The following CDH13 variants were observed in gnomAD, a reference collection of about 807,000 sequenced individuals.
CDH13 encodes cadherin 13, also known as cadherin-13.
Under a neutral mutation model 63.8 loss-of-function variants are expected in CDH13, and 24 were observed. The observed-to-expected ratio is 0.38, with a 90% CI of 0.27 to 0.53. The LOEUF (loss-of-function observed/expected upper bound fraction) is 0.53. CDH13 is among the 20% of genes least tolerant of loss of function. The probability of loss-of-function intolerance (pLI) is 0.85; values close to 1 mark genes in which losing one functional copy is unlikely to be tolerated. For missense variants in CDH13, 1,049 were observed against 903.1 expected, an observed-to-expected ratio of 1.16 and a Z score of -2.07; for synonymous variants, 503 against 355.3, an observed-to-expected ratio of 1.42 and a Z score of -4.67.
chr16:82,845,834 G>C (rs954185397), intron 1 of CDH13, among the ~76,000 whole-genome samples: 2 of 152,154 alleles, frequency 1.3e-5, no homozygotes, highest in Non-Finnish European at 2.9e-5. Context: ...TTTCTCCTAA[G>C]GGCCAGCCAG....
intron 2 of CDH13, among the ~76,000 whole-genome samples, chr16:82,973,680 AC>A (rs1289561232): frequency 2.0e-5 from 3 of 152,202 alleles, no homozygotes; most frequent in African/African-American, 7.2e-5. Flanking sequence ...GGATGGCTTC[AC>A]TGAAGGGATG....
chr16:83,282,492 G>A (rs544964664), intron 5 of CDH13, among the ~76,000 whole-genome samples: 1 of 152,032 alleles, frequency 6.6e-6, no homozygotes, highest in Admixed American at 6.5e-5. Context: ...TAGTAAGCAA[G>A]GCTCCAACCC....
chr16:82,850,280 A>G (rs891183187), intron 1 of CDH13, among the ~76,000 whole-genome samples: 9 of 152,226 alleles, frequency 5.9e-5, no homozygotes, highest in African/African-American at 1.7e-4. Context: ...GTTGATTTCA[A>G]TCCTCATGGA....
At chr16:83,492,406 G>A (rs1328218621) in intron 7 of CDH13, among the ~76,000 whole-genome samples, 3 of 152,060 alleles carry the variant, frequency 2.0e-5, no homozygotes, top group South Asian at 2.1e-4. Context: ...TGTTTTGGTG[G>A]GTGGGACCAG....
chr16:83,018,839 C>G (rs1228604854), intron 2 of CDH13, among the ~76,000 whole-genome samples: 2 of 152,140 alleles, frequency 1.3e-5, no homozygotes, highest in Admixed American at 6.5e-5. Flanking sequence ...GGTTGTGTAT[C>G]TAAACATATC....
chr16:83,053,696 T>C (rs941509158), intron 3 of CDH13, among the ~76,000 whole-genome samples: 1 of 152,072 alleles, frequency 6.6e-6, no homozygotes, highest in Non-Finnish European at 1.5e-5. Flanking sequence ...TCAGAGGAAA[T>C]AGACTTTAAG....
chr16:83,736,698 C>T (rs1475907124), intron 10 of CDH13, among the ~76,000 whole-genome samples: 1 of 152,078 alleles, frequency 6.6e-6, no homozygotes, highest in Non-Finnish European at 1.5e-5. Context: ...GTCAATCACC[C>T]CTGGAAATAA....
chr16:83,139,381 T>C (rs1173841586), intron 4 of CDH13, among the ~76,000 whole-genome samples: 3 of 152,250 alleles, frequency 2.0e-5, no homozygotes, highest in Admixed American at 1.3e-4. Context: ...GTGTAACAGC[T>C]GTGTTCACTG....
intron 2 of CDH13, among the ~76,000 whole-genome samples, chr16:83,030,447 G>C (rs1057410107): frequency 1.3e-5 from 2 of 151,878 alleles, no homozygotes; most frequent in African/African-American, 4.8e-5. Flanking sequence ...TTCGAGACCA[G>C]TCTGGCCAAC....
chr16:82,835,949 T>C (rs1316019903), intron 1 of CDH13, among the ~76,000 whole-genome samples: 1 of 152,128 alleles, frequency 6.6e-6, no homozygotes, highest in South Asian at 2.1e-4. Flanking sequence ...GCTCCTCAAG[T>C]AGCAAAGTCT....
At chr16:83,253,114 C>A (rs1328580766) in intron 5 of CDH13, among the ~76,000 whole-genome samples, 1 of 152,050 alleles carries the variant, frequency 6.6e-6, no homozygotes, top group East Asian at 1.9e-4. Flanking sequence ...TGGTGGTGTC[C>A]TCCTCAAAGT....
At position 83,518,597 on chromosome 16, in the gene CDH13, C is replaced by G. The variant is rs370619530; in HGVS notation, c.960+31942C>G. Reference sequence around the variant, plus strand: ...ACGGCATTCTCCTGCCTCAGCCTTCCGAGTAGCTGGGACTACAGGCACCTG... The same window carrying G: ...ACGGCATTCTCCTGCCTCAGCCTTCGGAGTAGCTGGGACTACAGGCACCTG... On this transcript the variant is annotated intron_variant, in intron 7 of 13. Coordinates refer to ENST00000567109, the MANE Select transcript of CDH13 (RefSeq NM_001257.5). Among the ~76,000 whole-genome samples the G allele has an allele frequency of 4.6e-5, 7 of 151,568 alleles. 1 individual carries two copies. The highest frequency in any genetic ancestry group is 1.7e-4 in the African/African-American group (7 of 41,294).
intron 3 of CDH13, among the ~76,000 whole-genome samples, chr16:83,083,585 C>T (rs1284465879): frequency 6.6e-6 from 1 of 152,162 alleles, no homozygotes; most frequent in Non-Finnish European, 1.5e-5. Context: ...CTGTTGTTTT[C>T]TCTAGTACTC....
At chr16:82,843,493 C>G (rs903544467) in intron 1 of CDH13, among the ~76,000 whole-genome samples, 1 of 152,194 alleles carries the variant, frequency 6.6e-6, no homozygotes, top group Non-Finnish European at 1.5e-5. Context: ...TTAACATAAT[C>G]AGTTCCTTGC....
rs74033125 is a variant in CDH13, at chr16:83,089,479, G to A, written c.367-35906G>A. Among the ~76,000 whole-genome samples the A allele has an allele frequency of 8.0e-3, 1,214 of 152,298 alleles. 26 individuals carry two copies. The highest frequency in any genetic ancestry group is 0.028 in the African/African-American group (1,158 of 41,560). ...GCTTTCATGCACCTGCCTTGCAGGC[G>A]TCAGGAATCTGAATCACACTCATTC... On this transcript the variant is annotated intron_variant, in intron 3 of 13. Coordinates refer to ENST00000567109, the MANE Select transcript of CDH13 (RefSeq NM_001257.5).
chr16:82,991,255 G>A (rs1429447577), intron 2 of CDH13, among the ~76,000 whole-genome samples: 1 of 152,136 alleles, frequency 6.6e-6, no homozygotes, highest in East Asian at 1.9e-4. Context: ...ACGCTCTTAG[G>A]TATTACATGG....
chr16:82,685,792 C>G (rs182209846), intron 1 of CDH13, among the ~76,000 whole-genome samples: 6 of 152,264 alleles, frequency 3.9e-5, no homozygotes, highest in African/African-American at 1.4e-4. Context: ...AGAGGTTTAA[C>G]CAAGTCTAGA....
chr16:82,881,022 A>G (rs2040684005), intron 2 of CDH13, among the ~76,000 whole-genome samples: 1 of 152,234 alleles, frequency 6.6e-6, no homozygotes, highest in Admixed American at 6.5e-5. Flanking sequence ...CTCTGGGTTT[A>G]TCTTGACCCT....
intron 1 of CDH13, among the ~76,000 whole-genome samples, chr16:82,726,508 G>A (rs1597414616): frequency 1.3e-5 from 2 of 152,316 alleles, no homozygotes; most frequent in East Asian, 3.9e-4. Flanking sequence ...TCAAAAACAG[G>A]TGGTAGGTGG....
Sources: allele counts gnomAD v4.1 joint callset (sites outside exome capture counted in the v4.1 genomes callset), GRCh38; gene constraint gnomAD v4.1.1; transcripts MANE v1.5; gene names NCBI Gene and HGNC (gene_info 2026-07-23, HGNC 2026-07-21).